TEKTL1: variants seen among roughly 807,000 people sequenced by gnomAD.
TEKTL1 encodes tektin like 1.
chr19:15,022,948 C>T, the TEKTL1 span: 3 of 1,612,682 alleles, frequency 1.9e-6, no homozygotes, highest in East Asian at 4.5e-5. Context: ...ACAAGAACCT[C>T]AGCTGGGGCC....
At chr19:15,010,915 G>A in the TEKTL1 span, 4 of 1,575,498 alleles carry the variant, frequency 2.5e-6, no homozygotes, top group African/African-American at 4.0e-5. Flanking sequence ...CCATGGCGAG[G>A]ACCGCGCACA....
the TEKTL1 span, chr19:15,021,525 C>G: frequency 6.2e-7 from 1 of 1,613,832 alleles, no homozygotes; most frequent in Non-Finnish European, 8.5e-7. Flanking sequence ...TGAAGGTGAG[C>G]GCATTACCTG....
the TEKTL1 span, chr19:15,020,554 G>C: frequency 2.5e-6 from 4 of 1,614,016 alleles, no homozygotes; most frequent in Admixed American, 6.7e-5. Flanking sequence ...CAAGGTTCTG[G>C]AGCAGGCCAG....
chr19:15,010,821 G>A, the TEKTL1 span: 2 of 1,530,082 alleles, frequency 1.3e-6, no homozygotes, highest in Non-Finnish European at 1.8e-6. Context: ...GACCAAGCAG[G>A]GACCATGCGC....
the TEKTL1 span, among the ~76,000 whole-genome samples, chr19:15,015,554 C>T: frequency 3.9e-4 from 56 of 143,766 alleles, 1 homozygote; most frequent in Admixed American, 3.1e-3. Flanking sequence ...CCTTCTCCTG[C>T]ACCATCAACA....
At chr19:15,017,491 T>C in the TEKTL1 span, among the ~76,000 whole-genome samples, 1 of 152,076 alleles carries the variant, frequency 6.6e-6, no homozygotes, top group African/African-American at 2.4e-5. Context: ...CGGGATGCTG[T>C]CCAGATGAGA....
the TEKTL1 span, among the ~76,000 whole-genome samples, chr19:15,016,338 T>C: frequency 6.6e-6 from 1 of 151,944 alleles, no homozygotes; most frequent in Non-Finnish European, 1.5e-5. Flanking sequence ...TACAGGTGCC[T>C]GCCAGCACAC....
At chr19:15,018,454 A>G in the TEKTL1 span, among the ~76,000 whole-genome samples, 1,257 of 151,810 alleles carry the variant, frequency 8.3e-3, 21 homozygotes, top group African/African-American at 0.029. Context: ...CGCGCCTGTA[A>G]TTCCAGCATT....
the TEKTL1 span, chr19:15,023,154 G>A: frequency 6.5e-7 from 1 of 1,537,390 alleles, no homozygotes; most frequent in Non-Finnish European, 8.7e-7. Flanking sequence ...CCAGCTGATT[G>A]GATGCTGGCT....
chr19:15,020,162 G>A, the TEKTL1 span, among the ~76,000 whole-genome samples: 4 of 151,638 alleles, frequency 2.6e-5, no homozygotes, highest in African/African-American at 4.9e-5. Context: ...TTTAAAAATA[G>A]CAAGGCATGG....
the TEKTL1 span, chr19:15,021,832 G>T: frequency 6.2e-7 from 1 of 1,614,108 alleles, no homozygotes. Context: ...TTCACCTGGA[G>T]ACCGCAGAAA....
chr19:15,021,703 C>G, the TEKTL1 span: 2 of 1,614,040 alleles, frequency 1.2e-6, no homozygotes, highest in South Asian at 2.2e-5. Flanking sequence ...CACCCACGGT[C>G]TCATCAAGGT....
chr19:15,019,831 AT>A, the TEKTL1 span, among the ~76,000 whole-genome samples: 3 of 151,768 alleles, frequency 2.0e-5, no homozygotes, highest in Non-Finnish European at 4.4e-5. Context: ...TTACAAAAAA[AT>A]AAATAAATAA....
the TEKTL1 span, chr19:15,011,507 G>A: frequency 1.1e-6 from 1 of 931,840 alleles, no homozygotes; most frequent in Admixed American, 4.1e-5. Context: ...GCCAAGGCTG[G>A]TTGATCACCT....
chr19:15,023,066 G>C, the TEKTL1 span: 1 of 1,610,474 alleles, frequency 6.2e-7, no homozygotes, highest in South Asian at 1.1e-5. Context: ...CCTGGTTAAG[G>C]ACTGGGACCC....
At chr19:15,016,855 T>G in the TEKTL1 span, among the ~76,000 whole-genome samples, 1 of 152,154 alleles carries the variant, frequency 6.6e-6, no homozygotes, top group Non-Finnish European at 1.5e-5. Flanking sequence ...CAATAAAATT[T>G]TACTTACAAA....
chr19:15,021,236 A>C, the TEKTL1 span: 1 of 1,349,026 alleles, frequency 7.4e-7, no homozygotes, highest in East Asian at 2.5e-5. Context: ...ACTTTCACCC[A>C]GTTCCTCAAT....
At chr19:15,012,247 T>G in the TEKTL1 span, among the ~76,000 whole-genome samples, 2 of 151,818 alleles carry the variant, frequency 1.3e-5, no homozygotes, top group Non-Finnish European at 2.9e-5. Context: ...GGCAACACAG[T>G]GAGATCCCAT....
the TEKTL1 span, chr19:15,011,026 C>T: frequency 6.3e-7 from 1 of 1,582,132 alleles, no homozygotes. Flanking sequence ...GCGCCGCCTA[C>T]ATCCAGCCCT....
Sources: allele counts gnomAD v4.1 joint callset (sites outside exome capture counted in the v4.1 genomes callset), GRCh38; gene constraint gnomAD v4.1.1; transcripts MANE v1.5; gene names NCBI Gene and HGNC (gene_info 2026-07-23, HGNC 2026-07-21).